MYRFL: variants seen among roughly 807,000 people sequenced by gnomAD.
The protein encoded by MYRFL is myelin regulatory factor-like protein.
A neutral mutation model predicts 109.4 loss-of-function variants in MYRFL; 88 were observed. The ratio of observed to expected loss-of-function variants is 0.80; its 90% CI spans 0.68 to 0.96. MYRFL has a LOEUF of 0.96. Ranked by LOEUF, MYRFL falls within the 40% of genes least tolerant of loss-of-function variation. The pLI is 0.00. For synonymous variants in MYRFL, 324 were observed against 320.9 expected (o/e 1.01, Z -0.10); for missense variants, 957 against 954.9 (o/e 1.00, Z -0.03).
chr12:69,950,048 T>C (rs547512301), intron 19 of MYRFL, among the ~76,000 whole-genome samples: 1 of 152,160 alleles, frequency 6.6e-6, no homozygotes, highest in African/African-American at 2.4e-5. Flanking sequence ...AAAATATATG[T>C]CCCACAGAAT....
chr12:69,844,348 T>C (rs1883409593), intron 1 of MYRFL, among the ~76,000 whole-genome samples: 1 of 152,090 alleles, frequency 6.6e-6, no homozygotes, highest in African/African-American at 2.4e-5. Context: ...AGTCAGGTCT[T>C]AGAATCTATA....
intron 2 of MYRFL, among the ~76,000 whole-genome samples, chr12:69,871,355 G>T (rs1020293062): frequency 3.4e-5 from 5 of 147,552 alleles, no homozygotes; most frequent in African/African-American, 1.2e-4. Context: ...TCAGCCTCCC[G>T]AGTAGCTGGA....
intron 2 of MYRFL, among the ~76,000 whole-genome samples, chr12:69,877,225 G>A (rs1026023685): frequency 5.3e-5 from 8 of 151,894 alleles, no homozygotes; most frequent in Admixed American, 2.0e-4. Flanking sequence ...GAGTTTCACC[G>A]TGTTAGGTGG....
chr12:69,901,234 A>G (rs910907382), intron 10 of MYRFL, among the ~76,000 whole-genome samples: 7 of 152,252 alleles, frequency 4.6e-5, no homozygotes, highest in Admixed American at 1.3e-4. Context: ...TTTGATATCC[A>G]TCAGCCACTA....
chr12:69,958,202 C>A, intron 23 of MYRFL, 47 bp from the exon 24 acceptor site: 2 of 1,443,030 alleles, frequency 1.4e-6, no homozygotes, highest in South Asian at 1.2e-5. Flanking sequence ...TTCCTACTGA[C>A]TGTCAAATGC....
chr12:69,952,056 G>A, intron 19 of MYRFL, 57 bp from the exon 20 acceptor site: 1 of 1,459,244 alleles, frequency 6.9e-7, no homozygotes, highest in Non-Finnish European at 9.3e-7. Flanking sequence ...CACACATGGG[G>A]TTTCTTCTCT....
intron 6 of MYRFL, 65 bp from the exon 7 acceptor site, chr12:69,890,906 C>A: frequency 8.0e-7 from 1 of 1,256,120 alleles, no homozygotes; most frequent in African/African-American, 1.5e-5. Context: ...ACAACTAATA[C>A]TGTTAATGAA....
chr12:69,843,383 T>A (rs1481685508), intron 1 of MYRFL, among the ~76,000 whole-genome samples: 1 of 152,228 alleles, frequency 6.6e-6, no homozygotes, highest in Non-Finnish European at 1.5e-5. Context: ...TCTTGCCAGT[T>A]GTCTGAATTC....
rs149512469 is a variant in MYRFL, at chr12:69,831,285, G to C, written c.46+5722G>C. On this transcript the variant is annotated intron_variant, in intron 1 of 24. Transcript: ENST00000552032. Reference sequence around the variant, plus strand: ...TAACATACTCTTTTACATATTGTCTGTGGCTGCTTTGATGCTGTGAGCGAA... The same window carrying C: ...TAACATACTCTTTTACATATTGTCTCTGGCTGCTTTGATGCTGTGAGCGAA... Among the ~76,000 whole-genome samples, 217 of 152,248 alleles carry C rather than the reference G, an allele frequency of 1.4e-3. 1 individual carries two copies. Among genetic ancestry groups the C allele is most frequent in the African/African-American group, 4.9e-3 (202 of 41,554 alleles).
At chr12:69,878,900 A>AC (rs1019819201) in intron 2 of MYRFL, 128 bp from the exon 3 acceptor site, 77 of 661,234 alleles carry the variant, frequency 1.2e-4, no homozygotes, top group African/African-American at 5.1e-4. Flanking sequence ...CAAACCCCTC[A>AC]CCCCCCCATG....
chr12:69,880,323 T>C (rs528502714), intron 5 of MYRFL, 31 bp downstream of exon 5: 287 of 698,604 alleles, frequency 4.1e-4, no homozygotes, highest in Non-Finnish European at 6.6e-4. Context: ...ACAAGGGCGA[T>C]GCCATCAAAG....
chr12:69,834,683 C>T (rs1882832186), intron 1 of MYRFL, among the ~76,000 whole-genome samples: 1 of 152,088 alleles, frequency 6.6e-6, no homozygotes, highest in African/African-American at 2.4e-5. Context: ...TACATAGATC[C>T]ATACATTTCT....
Position 69,926,932 on chromosome 12 carries a change from G to GTTTT in MYRFL, c.1766+198_1766+199insTTTT, listed in dbSNP as rs1336716063. Among the ~76,000 whole-genome samples, 65 of 76,850 alleles carry GTTTT rather than the reference G, an allele frequency of 8.5e-4. 22 individuals carry two copies. Among genetic ancestry groups the GTTTT allele is most frequent in the South Asian group, 2.1e-3 (5 of 2,358 alleles). 50.4% of individuals were successfully genotyped at this position (76,850 alleles called of 152,430 possible). A position where few individuals can be genotyped will look rare whatever the true frequency, so the allele number is the denominator to read the frequency against. ...ACTTTCTTAGTTTTTTTCTGTTGCT[G>GTTTT]GTTTTTTTTTTTTTTTTTTTTTTTT... is the stretch of plus-strand genomic sequence containing the variant. On this transcript the variant is annotated intron_variant, in intron 14 of 24. Coordinates refer to ENST00000552032, the MANE Select transcript of MYRFL (RefSeq NM_182530.3).
rs530976398 is a variant in MYRFL at position 69,871,153 on chromosome 12, A to C, written c.138-7875A>C. On this transcript the variant is annotated intron_variant, in intron 2 of 24. Transcript: ENST00000552032. ...ATATAGCATATAATAGGAGATTACC[A>C]GCAATCCCCCTGCTCTACCCCTGTC... is the stretch of plus-strand genomic sequence containing the variant. Among the ~76,000 whole-genome samples, 6 of 152,216 alleles carry C rather than the reference A, an allele frequency of 3.9e-5. No homozygotes were observed. In the South Asian group the frequency reaches 1.2e-3, roughly 32 times the overall value.
At chr12:69,935,860 C>T in intron 16 of MYRFL, 4 of 480,512 alleles carry the variant, frequency 8.3e-6, no homozygotes, top group South Asian at 8.1e-5. Context: ...GGCTGGGGGG[C>T]TGCTCTATGT....
intron 5 of MYRFL, among the ~76,000 whole-genome samples, chr12:69,883,938 T>C (rs926931331): frequency 3.3e-5 from 5 of 152,146 alleles, no homozygotes; most frequent in African/African-American, 1.2e-4. Context: ...TAGTATTCCA[T>C]TTCCATAGTA....
intron 1 of MYRFL, among the ~76,000 whole-genome samples, chr12:69,842,512 G>A (rs182915246): frequency 1.5e-4 from 23 of 152,334 alleles, no homozygotes; most frequent in African/African-American, 5.3e-4. Context: ...AAGGCTTAGA[G>A]TTGAGCAGAG....
chr12:69,840,783 T>TTA (rs1338018356), intron 1 of MYRFL, among the ~76,000 whole-genome samples: 1 of 152,236 alleles, frequency 6.6e-6, no homozygotes, highest in Admixed American at 6.5e-5. Context: ...TTTCTGCTGT[T>TTA]CTTAGAGTCC....
intron 13 of MYRFL, among the ~76,000 whole-genome samples, chr12:69,914,037 G>T (rs1331389479): frequency 6.6e-6 from 1 of 152,046 alleles, no homozygotes; most frequent in Non-Finnish European, 1.5e-5. Flanking sequence ...TAATTCACAA[G>T]AGTCTTATTC....
Sources: allele counts gnomAD v4.1 joint callset (sites outside exome capture counted in the v4.1 genomes callset), GRCh38; gene constraint gnomAD v4.1.1; transcripts MANE v1.5; gene names NCBI Gene and HGNC (gene_info 2026-07-23, HGNC 2026-07-21).